Variants in ENPP1 observed in about 807,000 individuals in gnomAD.
ENPP1 encodes ectonucleotide pyrophosphatase/phosphodiesterase family member 1.
ENPP1 carries 73 observed loss-of-function variants against 122.8 expected under a neutral mutation model. That is an observed-to-expected ratio of 0.59 (90% CI 0.49 to 0.72). ENPP1 has a LOEUF of 0.72. ENPP1 is among the 30% of genes least tolerant of loss of function. The pLI is 0.00. For missense variants in ENPP1, 978 were observed against 1,128.1 expected (o/e 0.87, Z 1.91); for synonymous variants, 367 against 391.6 (o/e 0.94, Z 0.74).
At chr6:131,852,046 C>T (rs1781889359) in intron 4 of ENPP1, 129 bp from the exon 5 acceptor site, 4 of 674,278 alleles carry the variant, frequency 5.9e-6, no homozygotes, top group Middle Eastern at 4.1e-4. Context: ...CCTCCAGAGT[C>T]ATGTCCTGTG....
In ENPP1 at chr6:131,884,751, G is replaced by A. The variant is rs571055485; in HGVS notation, c.2312-180G>A. The stretch of plus-strand genomic sequence containing the variant: ...GATTGTGCCACTGCACTCCAGCCTG[G>A]GTGATATAGCACGACTCTGTCTCTA... On this transcript the variant is annotated intron_variant, in intron 22 of 24. Coordinates refer to ENST00000647893, the MANE Select transcript of ENPP1 (RefSeq NM_006208.3). 4.6e-5 allele frequency among the ~76,000 whole-genome samples: 7 copies of A among 152,240 alleles called. No individual in the cohort carries two copies. In the East Asian group the frequency reaches 5.8e-4, roughly 13 times the overall value.
chr6:131,842,881 A>G (rs1291737591), intron 1 of ENPP1, among the ~76,000 whole-genome samples: 3 of 152,052 alleles, frequency 2.0e-5, no homozygotes, highest in Non-Finnish European at 4.4e-5. Context: ...GGAATTGGTG[A>G]GGGAAAAAAA....
intron 1 of ENPP1, chr6:131,826,407 A>G (rs1261507900): frequency 3.2e-6 from 3 of 930,236 alleles, no homozygotes; most frequent in East Asian, 2.4e-5. Flanking sequence ...TAGGACCCCA[A>G]AAGAGCTGCT....
At chr6:131,856,108 A>G (rs2114697404) in intron 6 of ENPP1, among the ~76,000 whole-genome samples, 1 of 152,276 alleles carries the variant, frequency 6.6e-6, no homozygotes, top group East Asian at 1.9e-4. Flanking sequence ...TTTAATTTCT[A>G]CATGGAAGAA....
At position 131,848,061 on chromosome 6, in the gene ENPP1, G is replaced by T. The variant is rs73778330; in HGVS notation, c.313+213G>T. On this transcript the variant is annotated intron_variant, in intron 2 of 24. Coordinates refer to ENST00000647893, the MANE Select transcript of ENPP1 (RefSeq NM_006208.3). ...TTCTACTTACAAAACATGGCCGGGG[G>T]TTCTGATGCTGTTGTCCTGGAGCCC... Among the ~76,000 whole-genome samples the T allele has an allele frequency of 6.6e-3, 1,001 of 152,272 alleles. 5 individuals carry two copies. The highest frequency in any genetic ancestry group is 0.021 in the African/African-American group (889 of 41,546).
chr6:131,886,769 C>T, intron 24 of ENPP1, 45 bp downstream of exon 24: 3 of 1,548,138 alleles, frequency 1.9e-6, no homozygotes, highest in Non-Finnish European at 2.7e-6. Flanking sequence ...AAAATCTAGA[C>T]ATATGCATAT....
At position 131,860,467 on chromosome 6, in the gene ENPP1, TAA is replaced by T. The variant is rs1401810953; in HGVS notation, c.878_879del (p.Lys293ArgfsTer4). The T allele has an allele frequency of 1.3e-6, 2 of 1,599,770 alleles. No homozygotes were observed. Among genetic ancestry groups the T allele is most frequent in the African/African-American group, 1.3e-5 (1 of 74,550 alleles). On this transcript the variant is annotated frameshift_variant, in exon 8 of 25. Coordinates refer to ENST00000647893, the MANE Select transcript of ENPP1 (RefSeq NM_006208.3). LOFTEE classifies it high-confidence loss of function. ...KMNASFSLKS[K>X]EKFNPEWYKG... ...TGAATGCTTCCTTTTCACTTAAAAG[TAA>T]AGAGAAATTTAATCCTGAGTGGTAC...
At chr6:131,827,213 A>G (rs1830971) in intron 1 of ENPP1, 344,475 of 868,464 alleles carry the variant, frequency 0.4, 69,757 homozygotes, top group East Asian at 0.46. Context: ...CTGTCCATTC[A>G]TTACTGAGGT....
intron 24 of ENPP1, among the ~76,000 whole-genome samples, chr6:131,888,050 T>G (rs949881814): frequency 4.0e-5 from 6 of 151,762 alleles, no homozygotes; most frequent in Non-Finnish European, 8.8e-5. Flanking sequence ...TTAGTGGAGA[T>G]GGGGTTTCGC....
Position 131,885,080 on chromosome 6 carries a change from T to C in ENPP1, c.2444+17T>C. The C allele has an allele frequency of 6.2e-7, 1 of 1,613,014 alleles. No individual in the cohort carries two copies. Among genetic ancestry groups the C allele is most frequent in the Non-Finnish European group, 8.5e-7 (1 of 1,179,078 alleles). On this transcript the variant is annotated intron_variant, in intron 23 of 24. Coordinates refer to ENST00000647893, the MANE Select transcript of ENPP1 (RefSeq NM_006208.3). ...TCTGAGGCAGTAAGAACATATTTCA[T>C]TACTCTTAAAAATAGGAATTACCAT...
In ENPP1 at chr6:131,867,927, CTTTTTT is replaced by C. The variant is rs879176917; in HGVS notation, c.1165-81_1165-76del. The C allele has an allele frequency of 2.2e-4, 163 of 738,236 alleles. 1 individual carries two copies. Among genetic ancestry groups the C allele is most frequent in the Non-Finnish European group, 3.5e-4 (154 of 439,356 alleles). The allele number at this position is 738,236 out of a possible 1,614,324, so 45.7% of individuals were successfully genotyped here. On this transcript the variant is annotated intron_variant, in intron 11 of 24. Coordinates refer to ENST00000647893, the MANE Select transcript of ENPP1 (RefSeq NM_006208.3). ...TCTTTCTTTCTTTCTTTGTTTCTTT[CTTTTTT>C]TTTTTTTTTAACAGAGATAGCTTTA... is the stretch of plus-strand genomic sequence containing the variant.
intron 11 of ENPP1, among the ~76,000 whole-genome samples, chr6:131,867,376 C>T (rs1274131366): frequency 2.0e-5 from 3 of 152,032 alleles, no homozygotes; most frequent in Non-Finnish European, 4.4e-5. Flanking sequence ...AAGCAGTTTG[C>T]CAATATCATT....
chr6:131,883,465 T>G (rs1038279366), intron 21 of ENPP1, among the ~76,000 whole-genome samples: 1 of 152,222 alleles, frequency 6.6e-6, no homozygotes, highest in Non-Finnish European at 1.5e-5. Flanking sequence ...TTATTAAAGT[T>G]TATGTTTCGT....
chr6:131,871,245 CTCTTA>C (rs1293693170), intron 13 of ENPP1, among the ~76,000 whole-genome samples: 2 of 151,638 alleles, frequency 1.3e-5, no homozygotes. Flanking sequence ...AAAATGTATA[CTCTTA>C]TCTGGATAAT....
rs11442011 is a variant in ENPP1, at chr6:131,843,659, C to CTT, written c.241-4104_241-4103dup. On this transcript the variant is annotated intron_variant, in intron 1 of 24. Coordinates refer to ENST00000647893, the MANE Select transcript of ENPP1 (RefSeq NM_006208.3). The stretch of plus-strand genomic sequence containing the variant: ...CTTTCCCTCTCCCAGGGCATGTCGT[C>CTT]TTTTTTTTTTTTTTCCCCCATTTTC... 9.0e-3 allele frequency among the ~76,000 whole-genome samples: 1,267 copies of CTT among 140,600 alleles called. 23 individuals carry two copies. The highest frequency in any genetic ancestry group is 0.03 in the African/African-American group (1,167 of 38,358). 92.2% of individuals were successfully genotyped at this position (140,600 alleles called of 152,430 possible).
At chr6:131,888,740 G>A (rs1229256766) in intron 24 of ENPP1, among the ~76,000 whole-genome samples, 1 of 152,194 alleles carries the variant, frequency 6.6e-6, no homozygotes, top group Non-Finnish European at 1.5e-5. Flanking sequence ...TCCACTGAAA[G>A]TTGTCAGTTT....
rs1782522663 is a variant in ENPP1, at chr6:131,894,625, A to G, written c.*4114A>G. 1 of 152,248 alleles carries G rather than the reference A, an allele frequency of 6.6e-6. No individual in the cohort carries two copies. The highest frequency in any genetic ancestry group is 2.1e-4 in the South Asian group (1 of 4,838). The allele number at this position is 152,248 out of a possible 1,614,324, so 9.4% of individuals were successfully genotyped here. A position where few individuals can be genotyped will look rare whatever the true frequency, so the allele number is the denominator to read the frequency against. On this transcript the variant is annotated 3_prime_UTR_variant, in exon 25 of 25. Coordinates refer to ENST00000647893, the MANE Select transcript of ENPP1 (RefSeq NM_006208.3). The stretch of plus-strand genomic sequence containing the variant: ...ATAGAAAATTTCCATCAGTTCATTC[A>G]TGAAAGAACAAAGAACCTGGCAAAA...
chr6:131,840,375 T>C (rs535940128), intron 1 of ENPP1, among the ~76,000 whole-genome samples: 1 of 152,348 alleles, frequency 6.6e-6, no homozygotes, highest in Admixed American at 6.5e-5. Context: ...AAAATGTTAA[T>C]GCACTGGTTT....
intron 1 of ENPP1, among the ~76,000 whole-genome samples, chr6:131,814,699 T>C (rs1781394613): frequency 6.6e-6 from 1 of 152,204 alleles, no homozygotes; most frequent in African/African-American, 2.4e-5. Flanking sequence ...GCTCCTTTGG[T>C]TTATAAAATT....
Sources: allele counts gnomAD v4.1 joint callset (sites outside exome capture counted in the v4.1 genomes callset), GRCh38; gene constraint gnomAD v4.1.1; transcripts MANE v1.5; gene names NCBI Gene and HGNC (gene_info 2026-07-23, HGNC 2026-07-21).